The following RARB variants were observed in gnomAD, a reference collection of about 807,000 sequenced individuals.
RARB encodes the protein HBV-activated protein.
Under a neutral mutation model 51.9 loss-of-function variants are expected in RARB, and 17 were observed. The observed-to-expected ratio is 0.33, with a 90% CI of 0.22 to 0.49. The LOEUF (loss-of-function observed/expected upper bound fraction) is 0.49, where lower values mean the gene tolerates loss of function less well. Among genes scored for constraint, RARB ranks in the 20% least tolerant of loss-of-function variants. RARB has a pLI of 0.99. For synonymous variants in RARB, 215 were observed against 195.4 expected, an observed-to-expected ratio of 1.10 and a Z score of -0.84; for missense variants, 369 against 550.8, an observed-to-expected ratio of 0.67 and a Z score of 3.30.
At chr3:24,891,689 C>T (rs1459551884) in intron 2 of RARB, among the ~76,000 whole-genome samples, 1 of 152,074 alleles carries the variant, frequency 6.6e-6, no homozygotes, top group Non-Finnish European at 1.5e-5. Context: ...TGAACAGATG[C>T]AGGGGACATT....
At chr3:25,387,437 G>A (rs974061892) in intron 5 of RARB, among the ~76,000 whole-genome samples, 1 of 152,150 alleles carries the variant, frequency 6.6e-6, no homozygotes, top group East Asian at 1.9e-4. Context: ...TCAGAGAACC[G>A]AAGTGGGGAG....
intron 2 of RARB, among the ~76,000 whole-genome samples, chr3:25,491,437 A>G (rs1192512821): frequency 1.3e-5 from 2 of 152,150 alleles, no homozygotes; most frequent in Admixed American, 1.3e-4. Context: ...ATTACAGTGA[A>G]CTACTTAATT....
At chr3:25,192,825 G>GAGC (rs1701137438) in intron 5 of RARB, among the ~76,000 whole-genome samples, 1 of 151,926 alleles carries the variant, frequency 6.6e-6, no homozygotes, top group Non-Finnish European at 1.5e-5. Context: ...TCATAATTGG[G>GAGC]AGCAGGTGAC....
chr3:25,045,682 A>G (rs1004068349), intron 2 of RARB, among the ~76,000 whole-genome samples: 4 of 152,234 alleles, frequency 2.6e-5, no homozygotes, highest in African/African-American at 7.2e-5. Context: ...AATGTAAGCT[A>G]TGAGTCTGTG....
intron 5 of RARB, among the ~76,000 whole-genome samples, chr3:25,400,225 T>C (rs1707227641): frequency 6.6e-6 from 1 of 152,158 alleles, no homozygotes; most frequent in African/African-American, 2.4e-5. Context: ...AGAAGGACAC[T>C]TCCTTCTCCC....
chr3:24,835,054 A>G (rs183151006), intron 1 of RARB, among the ~76,000 whole-genome samples: 2 of 150,328 alleles, frequency 1.3e-5, no homozygotes, highest in Admixed American at 1.3e-4. Context: ...TTTCTTCATC[A>G]CTCTTATATA....
intron 5 of RARB, among the ~76,000 whole-genome samples, chr3:25,327,840 A>G (rs1003115094): frequency 1.1e-4 from 17 of 152,246 alleles, no homozygotes; most frequent in Non-Finnish European, 1.6e-4. Context: ...ACTATAGGCA[A>G]GTAATACTAA....
chr3:24,892,551 G>T (rs1473723546), intron 2 of RARB, among the ~76,000 whole-genome samples: 1 of 152,154 alleles, frequency 6.6e-6, no homozygotes, highest in African/African-American at 2.4e-5. Context: ...TTGCAAATTT[G>T]TCTGTGAGCA....
chr3:25,545,165 G>A (rs1265149268), intron 3 of RARB, among the ~76,000 whole-genome samples: 1 of 151,956 alleles, frequency 6.6e-6, no homozygotes, highest in Non-Finnish European at 1.5e-5. Flanking sequence ...GGCTGGTCTC[G>A]AACTTCTGAC....
At chr3:25,324,500 CA>C in intron 5 of RARB, 1 of 158,512 alleles carries the variant, frequency 6.3e-6, no homozygotes. Context: ...CCCTGAAGAG[CA>C]AAATGATCTA....
intron 1 of RARB, among the ~76,000 whole-genome samples, chr3:25,452,994 C>T (rs1053166165): frequency 1.3e-5 from 2 of 152,134 alleles, no homozygotes; most frequent in Non-Finnish European, 2.9e-5. Flanking sequence ...ACACACACAG[C>T]CTGAAGATCT....
At chr3:25,340,581 A>C (rs1157046711) in intron 5 of RARB, among the ~76,000 whole-genome samples, 2 of 152,204 alleles carry the variant, frequency 1.3e-5, no homozygotes, top group Non-Finnish European at 2.9e-5. Context: ...ATTACTTAGA[A>C]GCAAGTGAGG....
At chr3:25,034,407 G>A (rs557962743) in intron 2 of RARB, among the ~76,000 whole-genome samples, 1 of 152,308 alleles carries the variant, frequency 6.6e-6, no homozygotes, top group East Asian at 1.9e-4. Flanking sequence ...TCTCCATTTA[G>A]CTTAAAAATG....
intron 5 of RARB, among the ~76,000 whole-genome samples, chr3:25,202,219 C>T (rs941515663): frequency 2.7e-4 from 41 of 152,168 alleles, no homozygotes; most frequent in South Asian, 1.9e-3. Flanking sequence ...AGTTTATTTG[C>T]GTAGAGGTGT....
At chr3:25,232,677 A>G (rs1240199794) in intron 5 of RARB, among the ~76,000 whole-genome samples, 1 of 152,130 alleles carries the variant, frequency 6.6e-6, no homozygotes, top group Admixed American at 6.5e-5. Context: ...TGATATATAG[A>G]TGGTCCCCAA....
intron 5 of RARB, among the ~76,000 whole-genome samples, chr3:25,395,776 A>G (rs59034168): frequency 0.063 from 9,620 of 151,962 alleles, 363 homozygotes; most frequent in African/African-American, 0.1. Flanking sequence ...TATTATTTTT[A>G]AGTTTCTTTA....
intron 1 of RARB, among the ~76,000 whole-genome samples, chr3:25,456,316 C>A (rs189884735): frequency 9.2e-5 from 14 of 152,160 alleles, no homozygotes; most frequent in African/African-American, 3.1e-4. Flanking sequence ...TGGGCTGTCC[C>A]CCTGCTTATT....
chr3:25,212,744 G>A (rs1167595381), intron 5 of RARB, among the ~76,000 whole-genome samples: 1 of 97,796 alleles, frequency 1.0e-5, no homozygotes, highest in Non-Finnish European at 2.4e-5. Context: ...AAATGTGCCA[G>A]TTATTTTCCA....
At chr3:24,934,409 C>T (rs928685925) in intron 2 of RARB, among the ~76,000 whole-genome samples, 2 of 152,040 alleles carry the variant, frequency 1.3e-5, no homozygotes, top group Non-Finnish European at 2.9e-5. Flanking sequence ...CAGATGACTT[C>T]GAAGATTTAA....
Sources: allele counts gnomAD v4.1 joint callset (sites outside exome capture counted in the v4.1 genomes callset), GRCh38; gene constraint gnomAD v4.1.1; transcripts MANE v1.5; gene names NCBI Gene and HGNC (gene_info 2026-07-23, HGNC 2026-07-21).